MGAT4C: variants seen among roughly 807,000 people sequenced by gnomAD.
The protein encoded by MGAT4C is alpha-1,3-mannosyl-glycoprotein 4-beta-N-acetylglucosaminyltransferase C.
In MGAT4C, 19 loss-of-function variants were observed where a neutral mutation model predicts 40.1. The ratio of observed to expected loss-of-function variants is 0.47; its 90% confidence interval spans 0.33 to 0.70. The LOEUF (loss-of-function observed/expected upper bound fraction) is 0.70. MGAT4C is among the 30% of genes least tolerant of loss of function. The pLI, the probability that MGAT4C is intolerant of heterozygous loss-of-function variation, is 0.02. For synonymous variants in MGAT4C, 181 were observed against 187.1 expected (o/e 0.97, Z 0.27); for missense variants, 491 against 563.2 (o/e 0.87, Z 1.30).
intron 1 of MGAT4C, among the ~76,000 whole-genome samples, chr12:86,814,279 TATATACATATATATAC>T (rs1226944352): frequency 0.01 from 526 of 50,522 alleles, 18 homozygotes; most frequent in African/African-American, 0.033. Context: ...TATACGTATA[TATATACATATATATAC>T]ATATACGTAT....
intron 4 of MGAT4C, among the ~76,000 whole-genome samples, chr12:86,299,307 CG>C (rs781493856): frequency 3.9e-4 from 60 of 152,144 alleles, no homozygotes; most frequent in Non-Finnish European, 7.8e-4. Context: ...TTAGTAGAGA[CG>C]GGGTTTTACC....
intron 1 of MGAT4C, among the ~76,000 whole-genome samples, chr12:86,740,301 G>A (rs1003169486): frequency 2.0e-5 from 3 of 150,866 alleles, no homozygotes; most frequent in African/African-American, 7.3e-5. Context: ...AATAATCATG[G>A]TCATAAGGAT....
intron 1 of MGAT4C, among the ~76,000 whole-genome samples, chr12:86,144,157 C>T (rs1320882693): frequency 6.6e-6 from 1 of 152,158 alleles, no homozygotes; most frequent in African/African-American, 2.4e-5. Context: ...ATGTACTTTA[C>T]GTTTTTTACA....
At chr12:86,488,651 C>T (rs190200067) in intron 2 of MGAT4C, among the ~76,000 whole-genome samples, 93 of 152,128 alleles carry the variant, frequency 6.1e-4, no homozygotes, top group African/African-American at 2.1e-3. Flanking sequence ...AACCTCAATT[C>T]TAAAATCTAT....
chr12:86,347,185 C>T (rs1955055252), intron 3 of MGAT4C, among the ~76,000 whole-genome samples: 1 of 152,160 alleles, frequency 6.6e-6, no homozygotes, highest in Non-Finnish European at 1.5e-5. Context: ...AACTCCCTTT[C>T]ATATATACAT....
chr12:86,836,659 G>A (rs1208324275), intron 1 of MGAT4C, among the ~76,000 whole-genome samples: 1 of 151,966 alleles, frequency 6.6e-6, no homozygotes. Flanking sequence ...TTAATAAGAG[G>A]TCAGATATAT....
intron 1 of MGAT4C, among the ~76,000 whole-genome samples, chr12:86,182,239 T>C (rs1888208028): frequency 6.6e-6 from 1 of 152,132 alleles, no homozygotes; most frequent in African/African-American, 2.4e-5. Context: ...GGCTAATCAT[T>C]CTCATTTTTT....
At chr12:86,760,215 A>T (rs1951376915) in intron 1 of MGAT4C, among the ~76,000 whole-genome samples, 1 of 152,154 alleles carries the variant, frequency 6.6e-6, no homozygotes, top group Admixed American at 6.5e-5. Context: ...CTGTATATAC[A>T]CAGCAGAAGA....
At chr12:86,585,188 T>TA (rs986216055) in intron 2 of MGAT4C, among the ~76,000 whole-genome samples, 6 of 151,512 alleles carry the variant, frequency 4.0e-5, no homozygotes, top group African/African-American at 1.5e-4. Context: ...GTACATAGCA[T>TA]AAAATGGGAC....
chr12:86,379,331 G>A (rs142784461), intron 3 of MGAT4C, among the ~76,000 whole-genome samples: 4 of 152,056 alleles, frequency 2.6e-5, no homozygotes, highest in African/African-American at 9.6e-5. Flanking sequence ...TTTAATCATC[G>A]TTTTGCTGCT....
chr12:86,785,692 T>C (rs1220884495), intron 1 of MGAT4C, among the ~76,000 whole-genome samples: 1 of 151,790 alleles, frequency 6.6e-6, no homozygotes, highest in Admixed American at 6.6e-5. Flanking sequence ...GTTAAAGTTA[T>C]CTGTTAAAGG....
intron 1 of MGAT4C, among the ~76,000 whole-genome samples, chr12:86,754,235 A>G (rs1341900779): frequency 2.0e-5 from 3 of 152,178 alleles, no homozygotes; most frequent in African/African-American, 7.2e-5. Context: ...AAGAAGACAG[A>G]TCAAAAGAGA....
chr12:86,775,899 G>A (rs1951740420), intron 1 of MGAT4C, among the ~76,000 whole-genome samples: 2 of 151,082 alleles, frequency 1.3e-5, no homozygotes, highest in African/African-American at 4.9e-5. Flanking sequence ...TCAATCATAG[G>A]ATTTTATTTT....
At chr12:86,837,599 A>C (rs528898954) in intron 1 of MGAT4C, among the ~76,000 whole-genome samples, 1 of 152,080 alleles carries the variant, frequency 6.6e-6, no homozygotes, top group Non-Finnish European at 1.5e-5. Context: ...CAGGTCAAAT[A>C]TACCTGCTAT....
intron 1 of MGAT4C, among the ~76,000 whole-genome samples, chr12:86,103,683 T>C (rs899413681): frequency 1.1e-4 from 16 of 152,076 alleles, no homozygotes; most frequent in African/African-American, 3.9e-4. Flanking sequence ...TGTCCTGTGG[T>C]TTGAACTCAA....
At chr12:86,540,434 C>A (rs1448485529) in intron 2 of MGAT4C, among the ~76,000 whole-genome samples, 1 of 152,148 alleles carries the variant, frequency 6.6e-6, no homozygotes, top group Non-Finnish European at 1.5e-5. Flanking sequence ...TTGGATGAAA[C>A]CTCATGAGAA....
intron 2 of MGAT4C, among the ~76,000 whole-genome samples, chr12:86,494,148 GTA>G (rs1175520256): frequency 6.6e-6 from 1 of 151,776 alleles, no homozygotes; most frequent in East Asian, 1.9e-4. Flanking sequence ...CCTTTTCTGA[GTA>G]TAGTTTTACA....
intron 4 of MGAT4C, among the ~76,000 whole-genome samples, chr12:86,330,300 C>T (rs906979991): frequency 6.6e-6 from 1 of 152,196 alleles, no homozygotes; most frequent in East Asian, 1.9e-4. Context: ...TATTCTTTTA[C>T]ATAACTGTCC....
chr12:86,567,295 T>G (rs1406319689), intron 2 of MGAT4C, among the ~76,000 whole-genome samples: 2 of 152,112 alleles, frequency 1.3e-5, no homozygotes, highest in Admixed American at 6.6e-5. Flanking sequence ...AGAAGTCATG[T>G]TATCAGAGGA....
Sources: allele counts gnomAD v4.1 joint callset (sites outside exome capture counted in the v4.1 genomes callset), GRCh38; gene constraint gnomAD v4.1.1; transcripts MANE v1.5; gene names NCBI Gene and HGNC (gene_info 2026-07-23, HGNC 2026-07-21).